LEMD1: variants seen among roughly 807,000 people sequenced by gnomAD.
The protein encoded by LEMD1 is LEM domain containing 1.
In LEMD1, 18 loss-of-function variants were observed where a neutral mutation model predicts 17.4. The ratio of observed to expected loss-of-function variants is 1.04; its 90% CI spans 0.72 to 1.54. The LOEUF is 1.54. Ranked by LOEUF, LEMD1 falls within the 40% of genes most tolerant of loss-of-function variation. The probability of loss-of-function intolerance (pLI) is 0.00; values close to 1 mark genes in which losing one functional copy is unlikely to be tolerated. For missense variants in LEMD1, 195 were observed against 210.4 expected (o/e 0.93, Z 0.45); for synonymous variants, 88 against 77.8 (o/e 1.13, Z -0.69).
chr1:205,431,903 G>A (rs993936205), intron 1 of LEMD1, among the ~76,000 whole-genome samples: 11 of 152,132 alleles, frequency 7.2e-5, no homozygotes, highest in African/African-American at 2.7e-4. Context: ...TTTTAATAGA[G>A]ACGGGGTTTC....
chr1:205,417,769 T>C (rs754143291), intron 3 of LEMD1, among the ~76,000 whole-genome samples: 1 of 151,680 alleles, frequency 6.6e-6, no homozygotes, highest in Admixed American at 6.6e-5. Context: ...GGCACTTGCA[T>C]GGTTTATCCA....
rs910841521 is a variant in LEMD1, at chr1:205,441,166, T to C, written c.-39+8702A>G. On this transcript the variant is annotated intron_variant, in intron 1 of 3. Coordinates refer to the LEMD1 transcript ENST00000367154. The surrounding 1 kb of genome is among the most constrained non-coding windows in gnomAD (Gnocchi z 4.3). ...GAACCCTCTGGGTCTGGCCCAGTCATTGCCACTCCCTGAGGCGGCCCGCTA... is the reference window on the plus strand; with the variant it reads ...GAACCCTCTGGGTCTGGCCCAGTCACTGCCACTCCCTGAGGCGGCCCGCTA... 6.6e-6 allele frequency: 1 copy of C among 152,234 alleles called. No homozygotes were observed. Among genetic ancestry groups the C allele is most frequent in the African/African-American group, 2.4e-5 (1 of 41,392 alleles). The allele number at this position is 152,234 out of a possible 1,614,324, so 9.4% of individuals were successfully genotyped here. A position where few individuals can be genotyped will look rare whatever the true frequency, so the allele number is the denominator to read the frequency against.
At chr1:205,398,836 A>G (rs1226025160) in intron 4 of LEMD1, among the ~76,000 whole-genome samples, 2 of 152,224 alleles carry the variant, frequency 1.3e-5, no homozygotes, top group African/African-American at 4.8e-5. Flanking sequence ...GGGTGTTGGT[A>G]TGTTCCGTGG....
chr1:205,403,847 A>G (rs1664966037), intron 4 of LEMD1, among the ~76,000 whole-genome samples: 1 of 151,972 alleles, frequency 6.6e-6, no homozygotes, highest in South Asian at 2.1e-4. Flanking sequence ...TTAGTGCTAT[A>G]AATTTCCCTC....
chr1:205,403,752 T>C (rs1664960898), intron 4 of LEMD1, among the ~76,000 whole-genome samples: 1 of 152,180 alleles, frequency 6.6e-6, no homozygotes, highest in Non-Finnish European at 1.5e-5. Context: ...AGCTTTTGAA[T>C]GTGTTTGCTC....
At position 205,409,138 on chromosome 1, in the gene LEMD1, C is replaced by T. The variant is rs546136292; in HGVS notation, c.270+7094G>A. ...ACAGGCATAAGCCACCAAGCCTGGC[C>T]GGCATATTATTGTTTTTTAAAGTTC... On this transcript the variant is annotated intron_variant, in intron 4 of 5. Transcript: ENST00000367153. Among the ~76,000 whole-genome samples, 24 of 152,208 alleles carry T rather than the reference C, an allele frequency of 1.6e-4. No individual in the cohort carries two copies. The South Asian group carries it at 2.1e-3, about 13-fold the overall frequency.
chr1:205,443,471 G>A (rs1666331061), intron 1 of LEMD1, among the ~76,000 whole-genome samples: 1 of 152,148 alleles, frequency 6.6e-6, no homozygotes, highest in Admixed American at 6.5e-5. Context: ...TGAGGTCACA[G>A]GAACCAGAAC....
In LEMD1 at chr1:205,381,815, G is replaced by A; in HGVS notation, c.389C>T (p.Thr130Ile). The change falls in exon 6 of 6, where the codon ACT becomes ATT. Residue 130 changes from threonine to isoleucine, a missense_variant. Transcript: ENST00000367153. Reference protein sequence around the residue: ...RAPSTRITYGTITKERDYCAE... With the variant: ...RAPSTRITYGIITKERDYCAE... Reference sequence around the variant, plus strand: ...GCAGTAGTCTCTCTCTTTGGTGATAGTCCCATATGTGATTCTGGTGCTTGG... The same window carrying A: ...GCAGTAGTCTCTCTCTTTGGTGATAATCCCATATGTGATTCTGGTGCTTGG... 6.2e-7 allele frequency: 1 copy of A among 1,614,076 alleles called. No homozygotes were observed. The highest frequency in any genetic ancestry group is 8.5e-7 in the Non-Finnish European group (1 of 1,180,016).
chr1:205,383,115 G>T (rs1663803727), intron 5 of LEMD1, among the ~76,000 whole-genome samples: 1 of 152,042 alleles, frequency 6.6e-6, no homozygotes, highest in African/African-American at 2.4e-5. Flanking sequence ...TTGAGACAGG[G>T]TCTCACTCTG....
intron 4 of LEMD1, among the ~76,000 whole-genome samples, chr1:205,397,246 TC>T (rs1664635822): frequency 6.6e-6 from 1 of 152,154 alleles, no homozygotes; most frequent in Non-Finnish European, 1.5e-5. Context: ...CTTTTTTTCC[TC>T]CCCTGTGGCC....
intron 4 of LEMD1, among the ~76,000 whole-genome samples, chr1:205,410,564 G>A (rs1436176302): frequency 6.6e-6 from 1 of 152,188 alleles, no homozygotes; most frequent in African/African-American, 2.4e-5. Context: ...TTTCAGTTCA[G>A]CCAACAGGGA....
At chr1:205,444,939 A>G (rs925710865) in intron 1 of LEMD1, among the ~76,000 whole-genome samples, 1 of 147,904 alleles carries the variant, frequency 6.8e-6, no homozygotes, top group Non-Finnish European at 1.5e-5. Flanking sequence ...CCCAGTAAGG[A>G]GGGTGTGCCC....
chr1:205,399,412 T>A (rs1484611934), intron 4 of LEMD1, among the ~76,000 whole-genome samples: 1 of 152,188 alleles, frequency 6.6e-6, no homozygotes, highest in Non-Finnish European at 1.5e-5. Flanking sequence ...AATAGAGATG[T>A]ATGTGTGTAT....
rs542374626 is a variant in LEMD1, at chr1:205,429,731, C to T, written c.-38-9157G>A. On this transcript the variant is annotated intron_variant, in intron 1 of 3. Coordinates refer to the LEMD1 transcript ENST00000367154. ...GCATGCTTTTTAGCTATTATCTGTC[C>T]TTGCCGCACCTTACCCGAGAAGGGC... 3.2e-4 allele frequency among the ~76,000 whole-genome samples: 48 copies of T among 151,956 alleles called. 1 individual carries two copies. Among genetic ancestry groups the T allele is most frequent in the African/African-American group, 1.1e-3 (47 of 41,422 alleles).
chr1:205,419,192 G>A, intron 3 of LEMD1, 38 bp downstream of exon 3: 2 of 1,607,742 alleles, frequency 1.2e-6, no homozygotes, highest in Non-Finnish European at 8.5e-7. Context: ...ATTAATAAGT[G>A]CAAAGTTGCC....
At chr1:205,399,615 C>T (rs1324113822) in intron 4 of LEMD1, among the ~76,000 whole-genome samples, 1 of 152,158 alleles carries the variant, frequency 6.6e-6, no homozygotes, top group Non-Finnish European at 1.5e-5. Flanking sequence ...TCTGAAACAT[C>T]TTTTGTGCCA....
At chr1:205,382,134 T>G (rs893888489) in intron 5 of LEMD1, 8 of 411,242 alleles carry the variant, frequency 1.9e-5, no homozygotes, top group Middle Eastern at 6.8e-4. Flanking sequence ...CTCGAGTAGC[T>G]CGGACCACAG....
chr1:205,422,253 C>T (rs558515677), upstream of LEMD1, among the ~76,000 whole-genome samples: 2 of 152,216 alleles, frequency 1.3e-5, no homozygotes, highest in East Asian at 1.9e-4. Context: ...TCAAGAGATG[C>T]GGAGAAGTTA....
chr1:205,407,577 T>C (rs1665180765), intron 4 of LEMD1, among the ~76,000 whole-genome samples: 1 of 152,202 alleles, frequency 6.6e-6, no homozygotes, highest in Admixed American at 6.5e-5. Context: ...TCTCTTGCCC[T>C]AGACCTTGCC....
Sources: gnomAD v4.1 joint callset for allele counts (sites outside exome capture counted in the v4.1 genomes callset) on GRCh38, gnomAD v4.1.1 for gene constraint, Gnocchi (gnomAD v3.1) non-coding constraint, MANE v1.5 for transcripts, NCBI Gene and HGNC (gene_info 2026-07-23, HGNC 2026-07-21) for gene names.